Variants in AHNAK observed in about 807,000 individuals in gnomAD.
AHNAK encodes neuroblast differentiation-associated protein AHNAK.
In AHNAK, 23 loss-of-function variants were observed where a neutral mutation model predicts 37.8. That is an observed-to-expected ratio of 0.61 (90% CI 0.44 to 0.86). AHNAK has a LOEUF of 0.86. Among genes scored for constraint, AHNAK ranks in the 40% least tolerant of loss-of-function variants. The probability of loss-of-function intolerance (pLI) is 0.00; values close to 1 mark genes in which losing one functional copy is unlikely to be tolerated. For synonymous variants in AHNAK, 2,481 were observed against 2,636.3 expected, an observed-to-expected ratio of 0.94 and a Z score of 1.80; for missense variants, 7,411 against 7,319.4, an observed-to-expected ratio of 1.01 and a Z score of -0.46.
chr11:62,451,922 C>A (rs1421792388), intron 5 of AHNAK, among the ~76,000 whole-genome samples: 1 of 151,296 alleles, frequency 6.6e-6, no homozygotes, highest in Admixed American at 6.6e-5. Context: ...ATTCTCCTGC[C>A]TCAGCCTCCC....
At chr11:62,448,581 A>G (rs1938465861) in intron 5 of AHNAK, among the ~76,000 whole-genome samples, 1 of 152,152 alleles carries the variant, frequency 6.6e-6, no homozygotes, top group Non-Finnish European at 1.5e-5. Flanking sequence ...GCGGGCTGAT[A>G]CTATTTGTTG....
Position 62,520,350 on chromosome 11 carries a change from G to T in AHNAK, c.14067C>A (p.Asp4689Glu), listed in dbSNP as rs758434756. ...CGATATTCACATCAGGAACATCAAC[G>T]TCCACTTTGGGTCCTGAGACATCAA... Reference protein sequence around the residue: ...ADIDVSGPKVDVDVPDVNIEG... With the variant: ...ADIDVSGPKVEVDVPDVNIEG... The change falls in exon 5 of 5, where the codon GAC (aspartate) becomes GAA (glutamate). Residue 4689 changes from aspartate to glutamate, a missense_variant. By Grantham distance (45) the Asp-to-Glu change is conservative (BLOSUM62 2). Transcript: ENST00000378024. 13 of 1,612,594 alleles carry T rather than the reference G, an allele frequency of 8.1e-6. No homozygotes were observed. The highest frequency in any genetic ancestry group is 6.8e-6 in the Non-Finnish European group (8 of 1,179,698).
At chr11:62,495,000 CAAA>C (rs34419128) in intron 4 of AHNAK, among the ~76,000 whole-genome samples, 3 of 121,804 alleles carry the variant, frequency 2.5e-5, no homozygotes, top group Admixed American at 8.6e-5. Context: ...AACTCCATCT[CAAA>C]AAAAAAAAAA....
intron 1 of AHNAK, among the ~76,000 whole-genome samples, chr11:62,540,757 G>T (rs1022160457): frequency 1.3e-5 from 2 of 152,232 alleles, no homozygotes; most frequent in Admixed American, 6.5e-5. Flanking sequence ...AGATGGCGAG[G>T]CCGCTCCAGC....
chr11:62,532,887 C>T lies in AHNAK; in HGVS notation c.1530G>A (p.Gly510=). The T allele has an allele frequency of 1.9e-6, 3 of 1,614,090 alleles. No individual in the cohort carries two copies. The highest frequency in any genetic ancestry group is 2.2e-5 in the East Asian group (1 of 44,888). ...TAATATCTCCTTTCAGTTTAGGAGACCCAAGGCTCAGATCCACATCCTGCA... is the reference window on the plus strand; with the variant it reads ...TAATATCTCCTTTCAGTTTAGGAGATCCAAGGCTCAGATCCACATCCTGCA... ...ISMQDVDLSL[G]SPKLKGDIKV... is the part of the protein sequence containing the mutation. Residue 510 remains glycine (G), a synonymous_variant, in exon 5 of 5, where the codon GGG becomes GGA. Coordinates refer to ENST00000378024, the MANE Select transcript of AHNAK (RefSeq NM_001620.3).
rs1212964617 is a variant in AHNAK, at chr11:62,521,226, G to A, written c.13191C>T (p.Pro4397=). Reference sequence around the variant, plus strand: ...AGACATCCACATCACCTTTCACTTTGGGACCCTTCAAGTTAAAGTCAATGT... The same window carrying A: ...AGACATCCACATCACCTTTCACTTTAGGACCCTTCAAGTTAAAGTCAATGT... ...MPDIDFNLKG[P]KVKGDVDVSL... Residue 4397 remains proline (P), a synonymous_variant, in exon 5 of 5, where the codon CCC becomes CCT. Coordinates refer to ENST00000378024, the MANE Select transcript of AHNAK (RefSeq NM_001620.3). 1.2e-6 allele frequency: 2 copies of A among 1,613,732 alleles called. No homozygotes were observed. The highest frequency in any genetic ancestry group is 1.7e-6 in the Non-Finnish European group (2 of 1,179,982).
intron 5 of AHNAK, among the ~76,000 whole-genome samples, chr11:62,451,957 G>T (rs1356664833): frequency 1.3e-5 from 2 of 151,010 alleles, no homozygotes; most frequent in Non-Finnish European, 3.0e-5. Flanking sequence ...ACAGGCACCC[G>T]CCACCAAGCC....
At chr11:62,453,450 G>T (rs973399675) in intron 5 of AHNAK, among the ~76,000 whole-genome samples, 6 of 152,134 alleles carry the variant, frequency 3.9e-5, no homozygotes, top group Admixed American at 3.9e-4. Flanking sequence ...TACTTACTGT[G>T]TGTCAGGAAC....
chr11:62,433,688 G>A (rs1938094233), exon 6 of AHNAK: 1 of 656,902 alleles, frequency 1.5e-6, no homozygotes, highest in South Asian at 1.9e-5. Flanking sequence ...GGCTTATGCA[G>A]CAGCCCTCGG....
Position 62,518,702 on chromosome 11 carries a change from G to A in AHNAK, c.15715C>T (p.Pro5239Ser). The A allele has an allele frequency of 6.2e-7, 1 of 1,614,168 alleles. No individual in the cohort carries two copies. The highest frequency in any genetic ancestry group is 1.1e-5 in the South Asian group (1 of 91,080). ...TTCACACCTGGGATGCCGATCTTGG[G>A]CATGGAAAACTTGGGGAACTTAATT... ...AKIKFPKFSM[P>S]KIGIPGVKME... The change falls in exon 5 of 5, where the codon CCC becomes TCC. Residue 5239 changes from proline to serine, a missense_variant. Physicochemically the swap from Pro to Ser is moderately conservative, Grantham distance 74. Coordinates refer to ENST00000378024, the MANE Select transcript of AHNAK (RefSeq NM_001620.3).
chr11:62,503,440 G>A (rs912541994), intron 4 of AHNAK, among the ~76,000 whole-genome samples: 1 of 152,132 alleles, frequency 6.6e-6, no homozygotes, highest in South Asian at 2.1e-4. Context: ...AAAATTAGCC[G>A]GGCATGGTGG....
chr11:62,481,175 G>A (rs1025020259), intron 5 of AHNAK, among the ~76,000 whole-genome samples: 1 of 151,048 alleles, frequency 6.6e-6, no homozygotes, highest in Non-Finnish European at 1.5e-5. Context: ...GCGCAGTCAC[G>A]GCTCACTGCA....
chr11:62,482,370 G>T (rs990771587), intron 5 of AHNAK, among the ~76,000 whole-genome samples: 1 of 151,694 alleles, frequency 6.6e-6, no homozygotes, highest in African/African-American at 2.4e-5. Flanking sequence ...AGCTGAGATC[G>T]CGCCACTGCA....
At chr11:62,490,025 T>C (rs1024924716) in intron 5 of AHNAK, among the ~76,000 whole-genome samples, 4 of 151,380 alleles carry the variant, frequency 2.6e-5, no homozygotes, top group Non-Finnish European at 4.4e-5. Flanking sequence ...AAGAGCAGTA[T>C]TGAGTGGCAG....
At chr11:62,469,053 G>A (rs987815046) in intron 5 of AHNAK, among the ~76,000 whole-genome samples, 2 of 152,164 alleles carry the variant, frequency 1.3e-5, no homozygotes, top group Admixed American at 1.3e-4. Context: ...CAGGTCTCAA[G>A]CGATCCTCCC....
chr11:62,530,866 T>C lies in AHNAK; in HGVS notation c.3551A>G (p.Lys1184Arg). 2 of 1,613,942 alleles carry C rather than the reference T, an allele frequency of 1.2e-6. No homozygotes were observed. Residue 1184 changes from lysine (K) to arginine (R), a missense_variant, in exon 5 of 5, where the codon AAG becomes AGG. Transcript: ENST00000378024. Reference protein sequence around the residue: ...PEGKLKGPKFKMPEMHFKTPK... With the variant: ...PEGKLKGPKFRMPEMHFKTPK... ...GGTCTTGAAATGCATCTCAGGCATC[T>C]TAAACTTGGGACCCTTCAGCTTCCC...
intron 4 of AHNAK, among the ~76,000 whole-genome samples, chr11:62,509,725 T>C (rs947944268): frequency 3.3e-5 from 5 of 152,016 alleles, no homozygotes; most frequent in African/African-American, 1.2e-4. Flanking sequence ...AAGACCAGCC[T>C]GGCCAACATG....
At position 62,529,375 on chromosome 11, in the gene AHNAK, T is replaced by A. The variant is rs1277786688; in HGVS notation, c.5042A>T (p.Glu1681Val). 3.1e-6 allele frequency: 5 copies of A among 1,613,968 alleles called. No individual in the cohort carries two copies. Among genetic ancestry groups the A allele is most frequent in the Admixed American group, 1.7e-5 (1 of 60,004 alleles). Residue 1681 changes from glutamate to valine, a missense_variant, in exon 5 of 5, where the codon GAA (glutamate) becomes GTA (valine). Transcript: ENST00000378024. ...MDVSVPKVEG[E>V]MKVPDVDIKG... is the part of the protein sequence containing the mutation. ...AATGTCAACATCTGGCACTTTCATT[T>A]CACCTTCTACCTTGGGCACAGACAC...
intron 4 of AHNAK, among the ~76,000 whole-genome samples, chr11:62,504,963 T>A (rs1170291971): frequency 6.6e-6 from 1 of 152,142 alleles, no homozygotes; most frequent in Non-Finnish European, 1.5e-5. Context: ...AGCTCTCTTT[T>A]TAAATGTAAA....
Sources: allele counts gnomAD v4.1 joint callset (sites outside exome capture counted in the v4.1 genomes callset), GRCh38; gene constraint gnomAD v4.1.1; transcripts MANE v1.5; gene names NCBI Gene and HGNC (gene_info 2026-07-23, HGNC 2026-07-21).